The following SNX7 variants were observed in gnomAD, a reference collection of about 807,000 sequenced individuals.
SNX7 encodes sorting nexin-7.
Under a neutral mutation model 48.4 loss-of-function variants are expected in SNX7, and 35 were observed. That is an observed-to-expected ratio of 0.72 (90% confidence interval 0.55 to 0.96). The LOEUF is 0.96. Among genes scored for constraint, SNX7 ranks in the 40% least tolerant of loss-of-function variants. The pLI is 0.00. For synonymous variants in SNX7, 190 were observed against 190.2 expected, an observed-to-expected ratio of 1.00 and a Z score of 0.01; for missense variants, 553 against 548.9, an observed-to-expected ratio of 1.01 and a Z score of -0.07.
chr1:98,684,786 C>A, intron 1 of SNX7, 99 bp from the exon 2 acceptor site: 2 of 861,362 alleles, frequency 2.3e-6, no homozygotes, highest in Non-Finnish European at 1.6e-6. Context: ...CCAATAATCC[C>A]TTTTGTTCTT....
chr1:98,684,969 G>A lies in SNX7; in HGVS notation c.265G>A (p.Asp89Asn). ...AATGATAAACCAAATCAAGTTTGAG[G>A]ATGAACCAGATTTAAAGGATCTCTT... ...LSMINQIKFE[D>N]EPDLKDLFIT... The change falls in exon 2 of 9, where the codon GAT becomes AAT. Residue 89 changes from aspartate (D) to asparagine (N), a missense_variant. Asp to Asn is a conservative substitution (Grantham distance 23). Transcript: ENST00000306121. The A allele has an allele frequency of 1.3e-6, 2 of 1,598,752 alleles. No individual in the cohort carries two copies. Among genetic ancestry groups the A allele is most frequent in the South Asian group, 1.2e-5 (1 of 86,934 alleles).
At chr1:98,741,795 G>A (rs1654085430) in intron 8 of SNX7, among the ~76,000 whole-genome samples, 1 of 152,096 alleles carries the variant, frequency 6.6e-6, no homozygotes, top group Admixed American at 6.6e-5. Flanking sequence ...CTTTGTTGCT[G>A]TCAATGCTGA....
chr1:98,732,033 A>T (rs1216800813), intron 7 of SNX7, among the ~76,000 whole-genome samples: 1 of 152,092 alleles, frequency 6.6e-6, no homozygotes, highest in Non-Finnish European at 1.5e-5. Flanking sequence ...CAACTTTAAG[A>T]TGGGGTTACC....
At chr1:98,737,315 C>A (rs574724760) in intron 7 of SNX7, among the ~76,000 whole-genome samples, 1 of 152,236 alleles carries the variant, frequency 6.6e-6, no homozygotes, top group Admixed American at 6.5e-5. Context: ...TCCCTGTCTA[C>A]CGTTCTGCTT....
chr1:98,673,427 A>G (rs1032835903), intron 1 of SNX7, among the ~76,000 whole-genome samples: 47 of 152,116 alleles, frequency 3.1e-4, no homozygotes, highest in African/African-American at 1.1e-3. Context: ...CAGCCCCTTT[A>G]TTCAGCAACC....
At chr1:98,742,126 A>G (rs184806669) in intron 8 of SNX7, among the ~76,000 whole-genome samples, 39 of 152,280 alleles carry the variant, frequency 2.6e-4, no homozygotes, top group Non-Finnish European at 5.1e-4. Flanking sequence ...TAAGGAGGTG[A>G]CAGACAGCTC....
In SNX7 at chr1:98,691,007, A is replaced by T. The variant is rs546592084; in HGVS notation, c.364-68A>T. On this transcript the variant is annotated intron_variant, in intron 2 of 8. Transcript: ENST00000306121. ...AGACCCATTTATTTCACAATGTCTAAAATAACGTTAGGCAAATACCTTCTA... is the reference window on the plus strand; with the variant it reads ...AGACCCATTTATTTCACAATGTCTATAATAACGTTAGGCAAATACCTTCTA... 1.0e-5 allele frequency: 10 copies of T among 978,420 alleles called. No individual in the cohort carries two copies. The South Asian group carries it at 2.1e-4, about 21-fold the overall frequency. The allele number at this position is 978,420 out of a possible 1,614,324, so 60.6% of individuals were successfully genotyped here.
At position 98,722,758 on chromosome 1, in the gene SNX7, G is replaced by A. The variant is rs1652953570; in HGVS notation, c.1126-15479G>A. Among the ~76,000 whole-genome samples the A allele has an allele frequency of 2.7e-5, 4 of 150,204 alleles. No homozygotes were observed. The South Asian group carries it at 8.5e-4, about 32-fold the overall frequency. ...TTTATTATTTTGCTCAAAAATGTTG[G>A]TGATATAGCTTCCATTTAAAAAGGA... On this transcript the variant is annotated intron_variant, in intron 7 of 8. Transcript: ENST00000306121.
In SNX7 at chr1:98,701,839, A is replaced by T; in HGVS notation, c.1061A>T (p.Gln354Leu). The change falls in exon 7 of 9, where the codon CAA (glutamine) becomes CTA (leucine). Residue 354 changes from glutamine (Q) to leucine (L), a missense_variant. Coordinates refer to ENST00000306121, the MANE Select transcript of SNX7 (RefSeq NM_015976.5). ...AAGGGTGTTATGAAAAGAAGAGACC[A>T]AATACAAGCAGAACTGGATTCCAAA... ...MLMGVMKRRDQIQAELDSKVE... is the reference protein window; with the variant it reads ...MLMGVMKRRDLIQAELDSKVE... 1 of 1,610,952 alleles carries T rather than the reference A, an allele frequency of 6.2e-7. No individual in the cohort carries two copies. Among genetic ancestry groups the T allele is most frequent in the Non-Finnish European group, 8.5e-7 (1 of 1,178,356 alleles).
intron 8 of SNX7, among the ~76,000 whole-genome samples, 172 bp from the exon 9 acceptor site, chr1:98,759,882 C>T (rs1241541359): frequency 6.6e-6 from 1 of 152,028 alleles, no homozygotes; most frequent in East Asian, 1.9e-4. Flanking sequence ...TTAGCAGTAG[C>T]ATCCCTCATT....
At chr1:98,752,604 T>C (rs558793590) in intron 8 of SNX7, among the ~76,000 whole-genome samples, 42 of 152,118 alleles carry the variant, frequency 2.8e-4, no homozygotes, top group African/African-American at 7.7e-4. Context: ...AGATATCAGT[T>C]GGTTAGTGTT....
At chr1:98,735,705 T>C (rs1315562224) in intron 7 of SNX7, among the ~76,000 whole-genome samples, 1 of 152,144 alleles carries the variant, frequency 6.6e-6, no homozygotes, top group Non-Finnish European at 1.5e-5. Flanking sequence ...TAATGGTCAT[T>C]GTTTCATGCT....
chr1:98,669,797 GA>G (rs1649749933), intron 1 of SNX7, among the ~76,000 whole-genome samples: 1 of 152,134 alleles, frequency 6.6e-6, no homozygotes, highest in Non-Finnish European at 1.5e-5. Flanking sequence ...TCCTCAGCTG[GA>G]ATTAATTTTT....
chr1:98,664,869 TAAAAATAA>T (rs1649454341), intron 1 of SNX7, among the ~76,000 whole-genome samples: 1 of 151,646 alleles, frequency 6.6e-6, no homozygotes, highest in African/African-American at 2.4e-5. Context: ...ACAAAAACAG[TAAAAATAA>T]AAAAATAAAA....
chr1:98,695,052 C>T (rs926255765), intron 4 of SNX7, among the ~76,000 whole-genome samples: 2 of 152,076 alleles, frequency 1.3e-5, no homozygotes, highest in African/African-American at 4.8e-5. Context: ...ATGTATTAAG[C>T]TCTAAATAAA....
intron 2 of SNX7, among the ~76,000 whole-genome samples, chr1:98,685,926 T>C (rs1263702955): frequency 6.6e-6 from 1 of 152,142 alleles, no homozygotes; most frequent in Non-Finnish European, 1.5e-5. Flanking sequence ...GACTTTCTTG[T>C]ATGACATATA....
intron 4 of SNX7, among the ~76,000 whole-genome samples, chr1:98,693,008 T>C (rs1651231207): frequency 6.6e-6 from 1 of 152,140 alleles, no homozygotes; most frequent in South Asian, 2.1e-4. Flanking sequence ...GTCACAAATC[T>C]CCAAAAAATT....
chr1:98,753,926 A>T (rs1654709269), intron 8 of SNX7, among the ~76,000 whole-genome samples: 1 of 152,080 alleles, frequency 6.6e-6, no homozygotes, highest in Admixed American at 6.6e-5. Context: ...GGTTTATGAA[A>T]CTGAGTTTTA....
At chr1:98,676,570 G>T (rs1650178107) in intron 1 of SNX7, among the ~76,000 whole-genome samples, 1 of 152,098 alleles carries the variant, frequency 6.6e-6, no homozygotes, top group Admixed American at 6.5e-5. Flanking sequence ...CCTAAATGTT[G>T]CATTGTAGTT....
Sources: gnomAD v4.1 joint callset for allele counts (sites outside exome capture counted in the v4.1 genomes callset) on GRCh38, gnomAD v4.1.1 for gene constraint, MANE v1.5 for transcripts, NCBI Gene and HGNC (gene_info 2026-07-23, HGNC 2026-07-21) for gene names.